OTUD6B: variants seen among roughly 807,000 people sequenced by gnomAD.
OTUD6B encodes the protein OTU deubiquitinase 6B.
OTUD6B carries 41 observed loss-of-function variants against 36.9 expected under a neutral mutation model. The observed-to-expected ratio is 1.11, with a 90% CI of 0.87 to 1.44. The LOEUF (loss-of-function observed/expected upper bound fraction) is 1.44. OTUD6B is among the 40% of genes most tolerant of loss of function. The pLI is 0.00. For missense variants in OTUD6B, 356 were observed against 344.8 expected, an observed-to-expected ratio of 1.03 and a Z score of -0.26; for synonymous variants, 114 against 114.2, an observed-to-expected ratio of 1.00 and a Z score of 0.01.
intron 5 of OTUD6B, among the ~76,000 whole-genome samples, chr8:91,081,169 T>C (rs1417423724): frequency 1.3e-5 from 2 of 148,248 alleles, no homozygotes; most frequent in African/African-American, 4.9e-5. Context: ...TGTGAAATTA[T>C]AGGCCAAATC....
At chr8:91,080,927 G>T (rs530492870) in intron 5 of OTUD6B, among the ~76,000 whole-genome samples, 197 bp downstream of exon 5, 2 of 152,222 alleles carry the variant, frequency 1.3e-5, no homozygotes, top group South Asian at 4.1e-4. Context: ...TATGTTGAGG[G>T]ATTGAAACAC....
In OTUD6B at chr8:91,071,273, C is replaced by A. The variant is rs1308451533; in HGVS notation, c.218C>A (p.Thr73Asn). The change falls in exon 2 of 7, where the codon ACT becomes AAT. Residue 73 changes from threonine (T) to asparagine (N), a missense_variant. Transcript: ENST00000404789. ...HREELEQLKL[T>N]TKENKIDSVA... Reference sequence around the variant, plus strand: ...GAGGAACTGGAGCAATTGAAGCTGACTACTAAGGAGAATAAGGTATGTGAA... The same window carrying A: ...GAGGAACTGGAGCAATTGAAGCTGAATACTAAGGAGAATAAGGTATGTGAA... 1 of 1,612,380 alleles carries A rather than the reference C, an allele frequency of 6.2e-7. No homozygotes were observed. The highest frequency in any genetic ancestry group is 2.2e-5 in the East Asian group (1 of 44,808).
chr8:91,077,161 A>C (rs1334247594), intron 3 of OTUD6B, among the ~76,000 whole-genome samples: 1 of 152,004 alleles, frequency 6.6e-6, no homozygotes, highest in African/African-American at 2.4e-5. Context: ...TTAAATTATA[A>C]AGCAGTTTCC....
At chr8:91,081,780 A>G (rs563517867) in intron 5 of OTUD6B, among the ~76,000 whole-genome samples, 6 of 152,298 alleles carry the variant, frequency 3.9e-5, no homozygotes, top group Admixed American at 2.6e-4. Context: ...TGTTGCCCCA[A>G]AATCTTTTTC....
chr8:91,072,294 A>G (rs543914115), intron 2 of OTUD6B, among the ~76,000 whole-genome samples: 2 of 152,214 alleles, frequency 1.3e-5, no homozygotes, highest in Non-Finnish European at 2.9e-5. Context: ...TTTGTCCAGG[A>G]GTCGTAACAG....
intron 5 of OTUD6B, 81 bp from the exon 6 acceptor site, chr8:91,083,927 C>T: frequency 6.5e-7 from 1 of 1,528,198 alleles, no homozygotes; most frequent in Non-Finnish European, 8.8e-7. Flanking sequence ...TATCCCTGCT[C>T]TGACTGGTTG....
rs1264949399 is a variant in OTUD6B, at chr8:91,086,804, A to G, written c.*1936A>G. 1 of 152,122 alleles carries G rather than the reference A, an allele frequency of 6.6e-6. No individual in the cohort carries two copies. Among genetic ancestry groups the G allele is most frequent in the Non-Finnish European group, 1.5e-5 (1 of 67,948 alleles). 9.4% of individuals were successfully genotyped at this position (152,122 alleles called of 1,614,324 possible). A position where few individuals can be genotyped will look rare whatever the true frequency, so the allele number is the denominator to read the frequency against. On this transcript the variant is annotated 3_prime_UTR_variant, in exon 7 of 7. Transcript: ENST00000404789. ...TATCATTTTAGCTATAACCTAAAAA[A>G]GTGTTTAAATAAAATGACAGATGTT...
intron 2 of OTUD6B, among the ~76,000 whole-genome samples, chr8:91,071,800 C>T: frequency 6.6e-6 from 1 of 152,160 alleles, no homozygotes; most frequent in East Asian, 1.9e-4. Flanking sequence ...AAGTGCTATA[C>T]TTCTTTACCT....
chr8:91,071,270 T>C lies in OTUD6B; in HGVS notation c.215T>C (p.Leu72Pro). The part of the protein sequence containing the change: ...KHREELEQLK[L>P]TTKENKIDSV... The stretch of plus-strand genomic sequence containing the variant: ...AGAGAGGAACTGGAGCAATTGAAGC[T>C]GACTACTAAGGAGAATAAGGTATGT... Residue 72 changes from leucine to proline, a missense_variant, in exon 2 of 7, where the codon CTG (leucine) becomes CCG (proline). Physicochemically the swap from Leu to Pro is moderately conservative, Grantham distance 98. Transcript: ENST00000404789. 6.2e-7 allele frequency: 1 copy of C among 1,613,170 alleles called. No individual in the cohort carries two copies. The highest frequency in any genetic ancestry group is 8.5e-7 in the Non-Finnish European group (1 of 1,179,706).
At chr8:91,079,928 C>T (rs1353084820) in intron 4 of OTUD6B, among the ~76,000 whole-genome samples, 1 of 152,162 alleles carries the variant, frequency 6.6e-6, no homozygotes, top group Non-Finnish European at 1.5e-5. Context: ...GGGTATGAGA[C>T]AAACACATGA....
intron 5 of OTUD6B, 64 bp downstream of exon 5, chr8:91,080,794 T>G (rs569926472): frequency 4.2e-6 from 5 of 1,198,734 alleles, no homozygotes; most frequent in Admixed American, 2.2e-5. Context: ...CCTTCTGTAG[T>G]TTTTAGATGT....
chr8:91,073,707 A>G lies in OTUD6B; in HGVS notation c.235-124A>G, dbSNP rs1282908947. 3 of 1,257,582 alleles carry G rather than the reference A, an allele frequency of 2.4e-6. No homozygotes were observed. In the East Asian group the frequency reaches 9.2e-5, roughly 39 times the overall value. 77.9% of individuals were successfully genotyped at this position (1,257,582 alleles called of 1,614,324 possible). A position where few individuals can be genotyped will look rare whatever the true frequency, so the allele number is the denominator to read the frequency against. On this transcript the variant is annotated intron_variant, in intron 2 of 6. Coordinates refer to ENST00000404789, the MANE Select transcript of OTUD6B (RefSeq NM_016023.5). ...CATAAAAATAGAAACAGGAGACAAA[A>G]CCATATTATCTAATACAGTGTCTAT...
intron 3 of OTUD6B, among the ~76,000 whole-genome samples, chr8:91,074,898 C>G (rs562148982): frequency 2.0e-5 from 3 of 151,874 alleles, no homozygotes; most frequent in Non-Finnish European, 4.4e-5. Context: ...ATCTATAAAA[C>G]GGGGGCAAAT....
At chr8:91,078,312 C>T (rs747297085) in intron 3 of OTUD6B, 44 bp from the exon 4 acceptor site, 6 of 1,490,398 alleles carry the variant, frequency 4.0e-6, no homozygotes, top group East Asian at 2.5e-5. Flanking sequence ...GAGAATTAGT[C>T]CAAATTATTA....
Position 91,070,430 on chromosome 8 carries a change from C to T in OTUD6B, c.46C>T (p.Leu16=), listed in dbSNP as rs1485221435. ...TEELDEEEQL[L]RRHRKEKKEL... is the part of the protein sequence containing the mutation. Reference sequence around the variant, plus strand: ...AGAGCTTGATGAGGAAGAGCAGCTGCTGAGAAGGCATCGCAAAGAGAAGAA... The same window carrying T: ...AGAGCTTGATGAGGAAGAGCAGCTGTTGAGAAGGCATCGCAAAGAGAAGAA... The change falls in exon 1 of 7, where the codon CTG becomes TTG. Residue 16 remains leucine, a synonymous_variant. Transcript: ENST00000404789. 6.3e-7 allele frequency: 1 copy of T among 1,591,314 alleles called. No individual in the cohort carries two copies. The highest frequency in any genetic ancestry group is 1.7e-4 in the Middle Eastern group (1 of 6,032).
rs1442200279 is a variant in OTUD6B, at chr8:91,083,989, A to C, written c.691-19A>C. On this transcript the variant is annotated intron_variant, in intron 5 of 6. Coordinates refer to ENST00000404789, the MANE Select transcript of OTUD6B (RefSeq NM_016023.5). ...TTACATTTTTATTTTCCTTACTGAT[A>C]CTTTTTTTCTTCCTATAGCTAAGAG... 6.5e-7 allele frequency: 1 copy of C among 1,543,372 alleles called. No homozygotes were observed. The highest frequency in any genetic ancestry group is 2.1e-5 in the Admixed American group (1 of 47,348).
chr8:91,073,978 C>T, intron 3 of OTUD6B, 67 bp downstream of exon 3: 1 of 1,046,202 alleles, frequency 9.6e-7, no homozygotes, highest in Non-Finnish European at 1.4e-6. Flanking sequence ...TAGGTACTAT[C>T]TTAGGTCTTG....
chr8:91,070,948 G>GTTTTT, intron 1 of OTUD6B, 190 bp from the exon 2 acceptor site: 1 of 512,732 alleles, frequency 2.0e-6, no homozygotes, highest in Non-Finnish European at 2.5e-6. Flanking sequence ...TGTTAATGAA[G>GTTTTT]TTTTTTTTTT....
intron 3 of OTUD6B, 169 bp from the exon 4 acceptor site, chr8:91,078,187 G>A (rs1203389449): frequency 1.1e-6 from 1 of 879,926 alleles, no homozygotes; most frequent in Non-Finnish European, 1.4e-6. Context: ...AAGAGAGTAA[G>A]GAGCTCACCT....
Sources: gnomAD v4.1 joint callset for allele counts (sites outside exome capture counted in the v4.1 genomes callset) on GRCh38, gnomAD v4.1.1 for gene constraint, MANE v1.5 for transcripts, NCBI Gene and HGNC (gene_info 2026-07-23, HGNC 2026-07-21) for gene names.